CD163L1: variants seen among roughly 807,000 people sequenced by gnomAD.
CD163L1 encodes CD163 molecule like 1.
In CD163L1, 124 loss-of-function variants were observed where a neutral mutation model predicts 165.4. The observed-to-expected ratio is 0.75, with a 90% CI of 0.65 to 0.87. The LOEUF (loss-of-function observed/expected upper bound fraction) is 0.87. Among genes scored for constraint, CD163L1 ranks in the 40% least tolerant of loss-of-function variants. The pLI is 0.00. For missense variants in CD163L1, 1,525 were observed against 1,799.9 expected (o/e 0.85, Z 2.76); for synonymous variants, 585 against 662.2 (o/e 0.88, Z 1.79).
intron 9 of CD163L1, among the ~76,000 whole-genome samples, chr12:7,378,490 C>T (rs938709787): frequency 1.3e-5 from 2 of 152,148 alleles, no homozygotes. Flanking sequence ...CTTTCCCTTG[C>T]CTACATATCA....
At chr12:7,439,053 C>T in intron 2 of CD163L1, 1 of 1,589,458 alleles carries the variant, frequency 6.3e-7, no homozygotes, top group Non-Finnish European at 8.5e-7. Flanking sequence ...ATGGCACTGT[C>T]TAGGGGCTTC....
chr12:7,391,023 A>G (rs1947643181), intron 8 of CD163L1, among the ~76,000 whole-genome samples: 1 of 152,222 alleles, frequency 6.6e-6, no homozygotes, highest in Non-Finnish European at 1.5e-5. Context: ...CGCAGAAGAC[A>G]GGTAACTTCT....
intron 8 of CD163L1, among the ~76,000 whole-genome samples, chr12:7,383,382 C>G (rs935865819): frequency 6.6e-6 from 1 of 152,158 alleles, no homozygotes; most frequent in Non-Finnish European, 1.5e-5. Flanking sequence ...GACAGTTGGC[C>G]TGACACCACT....
chr12:7,341,633 G>A, the CD163L1 span, among the ~76,000 whole-genome samples: 1 of 152,136 alleles, frequency 6.6e-6, no homozygotes, highest in Admixed American at 6.5e-5. Context: ...ATATAACCAA[G>A]CAATTTTCTT....
chr12:7,352,696 G>C (rs1260022874), downstream of CD163L1, among the ~76,000 whole-genome samples: 1 of 152,008 alleles, frequency 6.6e-6, no homozygotes, highest in African/African-American at 2.4e-5. Context: ...AACCAGGTTT[G>C]AAAATAAAAA....
intron 19 of CD163L1, among the ~76,000 whole-genome samples, chr12:7,356,299 G>T (rs1304080477): frequency 6.6e-6 from 1 of 152,052 alleles, no homozygotes; most frequent in Non-Finnish European, 1.5e-5. Flanking sequence ...TATTAGAAGA[G>T]TTACCATTAA....
rs1486443726 is a variant in CD163L1, at chr12:7,433,452, C to A, written c.367G>T (p.Ala123Ser). ...TCCCGGTGTTGACATTCCCAGAGAG[C>A]TGACTCATTTCCATAACAGGAAACA... ...DDVSCYGNES[A>S]LWECQHREWG... Residue 123 changes from alanine (A) to serine (S), a missense_variant, in exon 3 of 20, where the codon GCT becomes TCT. Transcript: ENST00000313599. 6.2e-7 allele frequency: 1 copy of A among 1,613,634 alleles called. No homozygotes were observed. The highest frequency in any genetic ancestry group is 1.1e-5 in the South Asian group (1 of 90,982).
intron 8 of CD163L1, among the ~76,000 whole-genome samples, chr12:7,386,484 C>A (rs1254891464): frequency 6.6e-6 from 1 of 151,536 alleles, no homozygotes; most frequent in Admixed American, 6.6e-5. Flanking sequence ...CCAGTATTAC[C>A]CTGATACCAA....
At chr12:7,416,691 T>C (rs1371331510) in intron 4 of CD163L1, among the ~76,000 whole-genome samples, 1 of 152,188 alleles carries the variant, frequency 6.6e-6, no homozygotes, top group East Asian at 1.9e-4. Flanking sequence ...TCCCCATTGC[T>C]TGTTTTTGTC....
chr12:7,434,668 A>AAAAGAG (rs1948691304), intron 2 of CD163L1, among the ~76,000 whole-genome samples: 1 of 151,918 alleles, frequency 6.6e-6, no homozygotes, highest in African/African-American at 2.4e-5. Flanking sequence ...AAAAGATGAA[A>AAAAGAG]AAAGAGAAAG....
Position 7,433,264 on chromosome 12 carries a change from ACACCTC to A in CD163L1, c.445+104_445+109del, listed in dbSNP as rs1948659657. On this transcript the variant is annotated intron_variant, in intron 3 of 19. Coordinates refer to ENST00000313599, the MANE Select transcript of CD163L1 (RefSeq NM_174941.6). ...GGGTAGAATATATAAAATATTTCCT[ACACCTC>A]CCAGAGGGACACTATTAAAGTCATA... 1.1e-5 allele frequency: 10 copies of A among 897,688 alleles called. No homozygotes were observed. In the South Asian group the frequency reaches 2.2e-4, roughly 19 times the overall value. 55.6% of individuals were successfully genotyped at this position (897,688 alleles called of 1,614,324 possible).
rs778052727 is a variant in CD163L1 at position 7,368,916 on chromosome 12, T to C, written c.4072+17A>G. ...CCTTAGGTATTTGTGTCAGCACTGA[T>C]AGGCAGAAGACTATACCTGAGGAGG... On this transcript the variant is annotated intron_variant, in intron 16 of 19. Coordinates refer to ENST00000313599, the MANE Select transcript of CD163L1 (RefSeq NM_174941.6). The surrounding 1 kb of genome is among the most constrained non-coding windows in gnomAD (Gnocchi z 4.3). 1.1e-5 allele frequency: 17 copies of C among 1,612,728 alleles called. No homozygotes were observed. The highest frequency in any genetic ancestry group is 4.0e-5 in the African/African-American group (3 of 74,772).
intron 4 of CD163L1, among the ~76,000 whole-genome samples, chr12:7,420,730 A>T (rs906088156): frequency 6.6e-6 from 1 of 151,928 alleles, no homozygotes. Context: ...AAAAGGGAAA[A>T]CTTTTACACT....
the CD163L1 span, chr12:7,323,223 C>A: frequency 6.2e-7 from 1 of 1,600,188 alleles, no homozygotes; most frequent in South Asian, 1.1e-5. Flanking sequence ...CAAAGCTTGT[C>A]CTCTCAATAG....
chr12:7,348,219 T>C (rs1946683561), intron 4 of CD163L1, among the ~76,000 whole-genome samples: 1 of 152,134 alleles, frequency 6.6e-6, no homozygotes, highest in African/African-American at 2.4e-5. Flanking sequence ...CTGCAACCAC[T>C]CTGTGCAAGG....
At chr12:7,323,971 G>C in the CD163L1 span, among the ~76,000 whole-genome samples, 2 of 152,080 alleles carry the variant, frequency 1.3e-5, no homozygotes, top group African/African-American at 4.8e-5. Flanking sequence ...GAGCCCAAGA[G>C]TTCAAGACCA....
At chr12:7,389,825 T>A (rs965440718) in intron 8 of CD163L1, among the ~76,000 whole-genome samples, 10 of 151,556 alleles carry the variant, frequency 6.6e-5, no homozygotes, top group South Asian at 2.1e-4. Flanking sequence ...AAAAATAATT[T>A]AAAAAATTAA....
the CD163L1 span, among the ~76,000 whole-genome samples, chr12:7,320,346 C>G: frequency 6.6e-6 from 1 of 152,162 alleles, no homozygotes; most frequent in African/African-American, 2.4e-5. Flanking sequence ...TTAGCTTATA[C>G]ATCCATAGTC....
At chr12:7,334,248 A>C in the CD163L1 span, among the ~76,000 whole-genome samples, 1 of 152,208 alleles carries the variant, frequency 6.6e-6, no homozygotes, top group Non-Finnish European at 1.5e-5. Flanking sequence ...TCAATAAAAT[A>C]CTGGCAAACT....
Sources: allele counts gnomAD v4.1 joint callset (sites outside exome capture counted in the v4.1 genomes callset), GRCh38; gene constraint gnomAD v4.1.1; non-coding constraint Gnocchi (gnomAD v3.1); transcripts MANE v1.5; gene names NCBI Gene and HGNC (gene_info 2026-07-23, HGNC 2026-07-21).